The following ERBIN variants were observed in gnomAD, a reference collection of about 807,000 sequenced individuals.
ERBIN encodes the protein densin-180-like protein.
ERBIN carries 60 observed loss-of-function variants against 158.4 expected under a neutral mutation model. That is an observed-to-expected ratio of 0.38 (90% CI 0.31 to 0.47). ERBIN has a LOEUF of 0.47. Among genes scored for constraint, ERBIN ranks in the 20% least tolerant of loss-of-function variants. The probability of loss-of-function intolerance (pLI) is 0.99; values close to 1 mark genes in which losing one functional copy is unlikely to be tolerated. For synonymous variants in ERBIN, 594 were observed against 557.2 expected (o/e 1.07, Z -0.93); for missense variants, 1,610 against 1,648.0 (o/e 0.98, Z 0.40).
rs929666870 is a variant in ERBIN at position 66,079,755 on chromosome 5, C to T, written c.*1225C>T. On this transcript the variant is annotated 3_prime_UTR_variant, in exon 26 of 26. Coordinates refer to ENST00000284037, the MANE Select transcript of ERBIN (RefSeq NM_001253697.2). ...CTACAGGTAACATTAAATGTGAACT[C>T]AACACTTCCAGAGTCTTTAAAGGGT... The T allele has an allele frequency of 6.6e-6, 1 of 152,566 alleles. No homozygotes were observed. Among genetic ancestry groups the T allele is most frequent in the African/African-American group, 2.4e-5 (1 of 41,450 alleles). 9.5% of individuals were successfully genotyped at this position (152,566 alleles called of 1,614,324 possible). A position where few individuals can be genotyped will look rare whatever the true frequency, so the allele number is the denominator to read the frequency against.
In ERBIN at chr5:66,078,458, A is replaced by C. The variant is rs760431011; in HGVS notation, c.4167A>C (p.Gly1389=). The C allele has an allele frequency of 1.4e-5, 22 of 1,590,968 alleles. No homozygotes were observed. Among genetic ancestry groups the C allele is most frequent in the Non-Finnish European group, 1.9e-5 (22 of 1,173,418 alleles). The change falls in exon 26 of 26, where the codon GGA becomes GGC. Residue 1389 remains glycine, a synonymous_variant. Coordinates refer to ENST00000284037, the MANE Select transcript of ERBIN (RefSeq NM_001253697.2). ...ACAGTTTTATAAATATTGAACATGG[A>C]CAAGCAGTGTCCTTGCTAAAAACTT... ...NGYSFINIEH[G]QAVSLLKTFQ... is the part of the protein sequence containing the mutation.
chr5:66,001,852 T>G (rs1342193207), intron 4 of ERBIN, among the ~76,000 whole-genome samples: 1 of 152,114 alleles, frequency 6.6e-6, no homozygotes, highest in Admixed American at 6.6e-5. Flanking sequence ...AACGTGCAGG[T>G]TTATTACATA....
intron 14 of ERBIN, among the ~76,000 whole-genome samples, chr5:66,033,309 G>A (rs910117530): frequency 6.6e-6 from 1 of 152,154 alleles, no homozygotes; most frequent in African/African-American, 2.4e-5. Flanking sequence ...AGCTTTTGTT[G>A]TTTCTCAAAA....
At chr5:66,025,774 A>G (rs1580388916) in intron 11 of ERBIN, 74 bp from the exon 12 acceptor site, 4 of 1,109,898 alleles carry the variant, frequency 3.6e-6, no homozygotes, top group East Asian at 2.7e-5. Flanking sequence ...TCAAATGTTT[A>G]TATGTTCTGA....
At chr5:65,951,872 C>G (rs974822430) in intron 1 of ERBIN, among the ~76,000 whole-genome samples, 1 of 152,162 alleles carries the variant, frequency 6.6e-6, no homozygotes, top group Non-Finnish European at 1.5e-5. Context: ...ATGACTGATT[C>G]ATTTGTGTTT....
At chr5:66,018,932 G>T (rs1755378658) in intron 7 of ERBIN, among the ~76,000 whole-genome samples, 1 of 150,636 alleles carries the variant, frequency 6.6e-6, no homozygotes, top group Non-Finnish European at 1.5e-5. Flanking sequence ...AGTGCACCTG[G>T]CCGGTATGTC....
intron 1 of ERBIN, among the ~76,000 whole-genome samples, chr5:65,987,272 C>G (rs747824985): frequency 7.3e-5 from 11 of 151,614 alleles, no homozygotes; most frequent in Non-Finnish European, 1.6e-4. Context: ...CCAGGTCACA[C>G]CTGTAAACCC....
At chr5:66,077,783 C>CAA (rs1413181097) in intron 25 of ERBIN, among the ~76,000 whole-genome samples, 1 of 128,780 alleles carries the variant, frequency 7.8e-6, no homozygotes, top group Non-Finnish European at 1.7e-5. Context: ...CACACACACA[C>CAA]ACACACACAC....
chr5:66,044,190 G>A lies in ERBIN; in HGVS notation c.1482G>A (p.Met494Ile). ...PTPYPDELKN[M>I]VKTVQTIVHR... ...CATACCCAGATGAGCTTAAGAATATGGTCAAAACTGTTCAAACCATTGTAC... is the reference window on the plus strand; with the variant it reads ...CATACCCAGATGAGCTTAAGAATATAGTCAAAACTGTTCAAACCATTGTAC... The change falls in exon 17 of 26, where the codon ATG becomes ATA. Residue 494 changes from methionine (M) to isoleucine (I), a missense_variant. Transcript: ENST00000284037. The A allele has an allele frequency of 6.2e-7, 1 of 1,606,572 alleles. No individual in the cohort carries two copies. The highest frequency in any genetic ancestry group is 8.5e-7 in the Non-Finnish European group (1 of 1,177,274).
chr5:65,977,167 C>G (rs1247184357), intron 1 of ERBIN, among the ~76,000 whole-genome samples: 1 of 149,084 alleles, frequency 6.7e-6, no homozygotes. Context: ...ACCTCCCTCC[C>G]GGACGGGGCG....
At chr5:66,035,548 A>G (rs1757313939) in intron 14 of ERBIN, among the ~76,000 whole-genome samples, 1 of 152,164 alleles carries the variant, frequency 6.6e-6, no homozygotes, top group African/African-American at 2.4e-5. Flanking sequence ...GTTCACTGTC[A>G]TCTTTCACTT....
At chr5:66,032,795 G>C (rs1047306184) in intron 14 of ERBIN, among the ~76,000 whole-genome samples, 8 of 152,140 alleles carry the variant, frequency 5.3e-5, no homozygotes, top group African/African-American at 1.4e-4. Context: ...TTGAGGAATA[G>C]TTTAAAAGAT....
chr5:65,971,990 G>T (rs1749300795), intron 1 of ERBIN, among the ~76,000 whole-genome samples: 1 of 152,194 alleles, frequency 6.6e-6, no homozygotes, highest in South Asian at 2.1e-4. Flanking sequence ...CATGCTGCTT[G>T]CCAAGCTGTA....
intron 21 of ERBIN, 89 bp from the exon 22 acceptor site, chr5:66,072,079 AT>A: frequency 7.3e-7 from 1 of 1,376,958 alleles, no homozygotes; most frequent in Non-Finnish European, 9.7e-7. Flanking sequence ...ATTTGGCAAT[AT>A]TTTTTCCTAA....
intron 21 of ERBIN, 43 bp downstream of exon 21, chr5:66,054,994 A>G: frequency 1.3e-6 from 2 of 1,492,836 alleles, no homozygotes; most frequent in Non-Finnish European, 8.9e-7. Flanking sequence ...TATGAACTTA[A>G]TTATTTTCCT....
intron 2 of ERBIN, among the ~76,000 whole-genome samples, chr5:65,990,249 C>T (rs566418696): frequency 8.0e-4 from 122 of 152,074 alleles, no homozygotes; most frequent in Non-Finnish European, 1.6e-3. Context: ...TAGAAGAGCA[C>T]GGACTCAGTT....
intron 4 of ERBIN, among the ~76,000 whole-genome samples, chr5:65,999,339 G>T (rs764124194): frequency 1.3e-5 from 2 of 152,090 alleles, no homozygotes; most frequent in Non-Finnish European, 2.9e-5. Flanking sequence ...GCACTCCAGC[G>T]ACAAGAATGA....
chr5:65,948,005 C>T (rs1217602082), intron 1 of ERBIN, among the ~76,000 whole-genome samples: 1 of 79,440 alleles, frequency 1.3e-5, no homozygotes, highest in Non-Finnish European at 3.3e-5. Context: ...AGTGAAACTG[C>T]ATTTCAAAAA....
In ERBIN at chr5:65,942,387, G is replaced by A. The variant is rs532960873; in HGVS notation, c.-58+15581G>A. On this transcript the variant is annotated intron_variant, in intron 1 of 25. Transcript: ENST00000284037. Reference sequence around the variant, plus strand: ...ACTATTTCCCAAAGATTTTTAATAGGTGTTAGAGAAAAAAAGAGTTTTGGG... The same window carrying A: ...ACTATTTCCCAAAGATTTTTAATAGATGTTAGAGAAAAAAAGAGTTTTGGG... 6.6e-5 allele frequency among the ~76,000 whole-genome samples: 10 copies of A among 152,256 alleles called. No individual in the cohort carries two copies. In the East Asian group the frequency reaches 1.7e-3, roughly 26 times the overall value.
Sources: allele counts gnomAD v4.1 joint callset (sites outside exome capture counted in the v4.1 genomes callset), GRCh38; gene constraint gnomAD v4.1.1; transcripts MANE v1.5; gene names NCBI Gene and HGNC (gene_info 2026-07-23, HGNC 2026-07-21).